Variants in NAALADL2 observed in about 807,000 individuals in gnomAD.
NAALADL2 encodes inactive N-acetylated-alpha-linked acidic dipeptidase-like protein 2.
NAALADL2 carries 76 observed loss-of-function variants against 87.2 expected under a neutral mutation model. The ratio of observed to expected loss-of-function variants is 0.87; its 90% CI spans 0.72 to 1.05. The LOEUF (loss-of-function observed/expected upper bound fraction) is 1.05. Ranked by LOEUF, NAALADL2 falls within the 50% of genes least tolerant of loss-of-function variation. The probability of loss-of-function intolerance (pLI) is 0.00; values close to 1 mark genes in which losing one functional copy is unlikely to be tolerated. For missense variants in NAALADL2, 1,089 were observed against 945.8 expected, an observed-to-expected ratio of 1.15 and a Z score of -1.99; for synonymous variants, 354 against 331.0, an observed-to-expected ratio of 1.07 and a Z score of -0.75.
chr3:174,514,455 G>T (rs1476399070), intron 1 of NAALADL2, among the ~76,000 whole-genome samples: 2 of 152,052 alleles, frequency 1.3e-5, no homozygotes, highest in African/African-American at 2.4e-5. Flanking sequence ...CATAAAATAT[G>T]AAATGCTTAT....
intron 1 of NAALADL2, among the ~76,000 whole-genome samples, chr3:175,064,244 G>T (rs1026885212): frequency 1.6e-5 from 2 of 124,654 alleles, no homozygotes; most frequent in African/African-American, 6.1e-5. Context: ...TTGGGGAAAA[G>T]AAGAAAAAAA....
rs73171428 is a variant in NAALADL2, at chr3:175,633,047, G to A, written c.1896+5661G>A. Among the ~76,000 whole-genome samples the A allele has an allele frequency of 8.7e-3, 1,319 of 152,178 alleles. 13 individuals carry two copies. The highest frequency in any genetic ancestry group is 0.014 in the Admixed American group (208 of 15,240). ...ATGTTACCTTAGCAACACTGGTCCA[G>A]CTGAGGAAGAGTAAAATGAGACAGG... On this transcript the variant is annotated intron_variant, in intron 11 of 13. Transcript: ENST00000454872.
chr3:175,396,155 A>G (rs1769751976), intron 5 of NAALADL2, among the ~76,000 whole-genome samples: 1 of 152,152 alleles, frequency 6.6e-6, no homozygotes, highest in Non-Finnish European at 1.5e-5. Context: ...CTTCCTAGGT[A>G]ACCATATATA....
At chr3:174,451,256 G>C (rs879531779) in intron 1 of NAALADL2, among the ~76,000 whole-genome samples, 33 of 152,184 alleles carry the variant, frequency 2.2e-4, no homozygotes, top group South Asian at 4.1e-4. Flanking sequence ...CAATGACAGT[G>C]ATATTCCAGT....
intron 11 of NAALADL2, among the ~76,000 whole-genome samples, chr3:175,706,178 TA>T (rs1460140998): frequency 6.6e-6 from 1 of 152,096 alleles, no homozygotes; most frequent in Non-Finnish European, 1.5e-5. Flanking sequence ...TCAAGGGCTT[TA>T]TTTGCCCATT....
chr3:175,303,039 A>T (rs1017092798), intron 4 of NAALADL2, among the ~76,000 whole-genome samples: 1 of 152,158 alleles, frequency 6.6e-6, no homozygotes, highest in Admixed American at 6.6e-5. Flanking sequence ...TAATTTGTAG[A>T]TATGGTTTTA....
At position 175,603,649 on chromosome 3, in the gene NAALADL2, G is replaced by A. The variant is rs555970437; in HGVS notation, c.1801-23642G>A. On this transcript the variant is annotated intron_variant, in intron 10 of 13. Coordinates refer to ENST00000454872, the MANE Select transcript of NAALADL2 (RefSeq NM_207015.3). ...TCATGTTGTAGCATATGCCAGAATC[G>A]CCTTCCTTTTTAAGGTTGAATAGTA... Among the ~76,000 whole-genome samples, 17 of 152,152 alleles carry A rather than the reference G, an allele frequency of 1.1e-4. No homozygotes were observed. In the South Asian group the frequency reaches 1.9e-3, roughly 17 times the overall value.
chr3:175,216,653 C>CT (rs752630220), intron 2 of NAALADL2, among the ~76,000 whole-genome samples: 4 of 84,304 alleles, frequency 4.7e-5, no homozygotes, highest in Non-Finnish European at 1.1e-4. Context: ...AATTTTTTTT[C>CT]TTTTTTTTTC....
intron 11 of NAALADL2, among the ~76,000 whole-genome samples, chr3:175,661,485 T>C (rs1732246753): frequency 2.0e-5 from 3 of 152,090 alleles, no homozygotes; most frequent in Admixed American, 2.0e-4. Flanking sequence ...TTGGTTTCTT[T>C]GCTGTGCTGA....
chr3:174,660,358 A>G (rs963523239), intron 2 of NAALADL2, among the ~76,000 whole-genome samples: 22 of 152,122 alleles, frequency 1.4e-4, no homozygotes, highest in African/African-American at 5.1e-4. Flanking sequence ...AAGTTTTTTC[A>G]TGACAGAATT....
intron 1 of NAALADL2, among the ~76,000 whole-genome samples, chr3:175,084,541 A>G (rs1014762191): frequency 6.6e-6 from 1 of 152,238 alleles, no homozygotes; most frequent in Non-Finnish European, 1.5e-5. Flanking sequence ...CAGTCTGCAT[A>G]AGACACCTCA....
intron 1 of NAALADL2, among the ~76,000 whole-genome samples, chr3:174,957,298 A>G (rs1447946958): frequency 6.6e-6 from 1 of 151,954 alleles, no homozygotes; most frequent in African/African-American, 2.4e-5. Context: ...AATGAGTCAG[A>G]AGGAAGAAAG....
chr3:174,759,688 A>G (rs1303322326), intron 3 of NAALADL2, among the ~76,000 whole-genome samples: 1 of 151,826 alleles, frequency 6.6e-6, no homozygotes, highest in African/African-American at 2.4e-5. Context: ...ATACTATCAA[A>G]TACAATACAA....
chr3:174,704,332 G>T (rs1228555058), intron 2 of NAALADL2, among the ~76,000 whole-genome samples: 2 of 152,086 alleles, frequency 1.3e-5, no homozygotes, highest in African/African-American at 2.4e-5. Flanking sequence ...GTATTCTATG[G>T]TATATCAGTA....
At chr3:175,555,949 T>A (rs1020289416) in intron 9 of NAALADL2, among the ~76,000 whole-genome samples, 4 of 152,174 alleles carry the variant, frequency 2.6e-5, no homozygotes, top group African/African-American at 9.7e-5. Context: ...TCTTAATTCC[T>A]CTTAATTCTT....
At chr3:174,833,285 T>C (rs535591538) in intron 3 of NAALADL2, among the ~76,000 whole-genome samples, 36 of 152,332 alleles carry the variant, frequency 2.4e-4, no homozygotes, top group African/African-American at 8.7e-4. Flanking sequence ...CTTTTTATTA[T>C]GTAAATTCAT....
intron 3 of NAALADL2, among the ~76,000 whole-genome samples, chr3:174,753,099 G>GATTT (rs977014385): frequency 6.6e-6 from 1 of 151,588 alleles, no homozygotes; most frequent in Non-Finnish European, 1.5e-5. Flanking sequence ...TCCCCTTTTT[G>GATTT]CTTTCTTTCT....
At chr3:174,569,963 G>A (rs915678905) in intron 2 of NAALADL2, among the ~76,000 whole-genome samples, 1 of 151,988 alleles carries the variant, frequency 6.6e-6, no homozygotes, top group Non-Finnish European at 1.5e-5. Flanking sequence ...ATCAACTGTG[G>A]TACTCTCTCC....
intron 2 of NAALADL2, among the ~76,000 whole-genome samples, chr3:175,132,598 C>T: frequency 9.1e-6 from 1 of 109,842 alleles, no homozygotes; most frequent in Non-Finnish European, 1.9e-5. Flanking sequence ...GGGCGGCTGG[C>T]CGGGCAGGGG....
Sources: allele counts gnomAD v4.1 joint callset (sites outside exome capture counted in the v4.1 genomes callset), GRCh38; gene constraint gnomAD v4.1.1; transcripts MANE v1.5; gene names NCBI Gene and HGNC (gene_info 2026-07-23, HGNC 2026-07-21).